The following SNX30 variants were observed in gnomAD, a reference collection of about 807,000 sequenced individuals.
SNX30 encodes sorting nexin-30.
A neutral mutation model predicts 46.4 loss-of-function variants in SNX30; 24 were observed. The observed-to-expected ratio is 0.52, with a 90% confidence interval of 0.37 to 0.73. The LOEUF is 0.73. Among genes scored for constraint, SNX30 ranks in the 30% least tolerant of loss-of-function variants. The pLI, the probability that SNX30 is intolerant of heterozygous loss-of-function variation, is 0.00. For synonymous variants in SNX30, 189 were observed against 211.5 expected (o/e 0.89, Z 0.92); for missense variants, 533 against 555.7 (o/e 0.96, Z 0.41).
chr9:112,772,615 T>C (rs1005089997), intron 1 of SNX30, among the ~76,000 whole-genome samples: 2 of 152,230 alleles, frequency 1.3e-5, no homozygotes, highest in African/African-American at 2.4e-5. Flanking sequence ...CACTGTATTT[T>C]GCTTTTCTCA....
At chr9:112,765,705 A>G (rs965228329) in intron 1 of SNX30, among the ~76,000 whole-genome samples, 8 of 152,238 alleles carry the variant, frequency 5.3e-5, no homozygotes, top group African/African-American at 1.9e-4. Flanking sequence ...ATGTTTTGAT[A>G]CACTTAAATA....
At chr9:112,781,775 G>T (rs947634578) in intron 1 of SNX30, among the ~76,000 whole-genome samples, 1 of 151,844 alleles carries the variant, frequency 6.6e-6, no homozygotes, top group African/African-American at 2.4e-5. Context: ...GGGATTACAG[G>T]TGCCCACCAC....
intron 6 of SNX30, among the ~76,000 whole-genome samples, chr9:112,849,833 T>C (rs897233046): frequency 5.9e-5 from 9 of 152,190 alleles, no homozygotes; most frequent in Non-Finnish European, 1.2e-4. Context: ...GGAAAGTGCA[T>C]GATTAGAAAC....
chr9:112,876,757 C>T (rs774701996), downstream of SNX30, among the ~76,000 whole-genome samples: 2 of 151,412 alleles, frequency 1.3e-5, no homozygotes, highest in African/African-American at 2.5e-5. Flanking sequence ...GCCAACATGG[C>T]GAAACCTGTC....
chr9:112,795,795 A>G (rs941845208), intron 1 of SNX30, among the ~76,000 whole-genome samples: 3 of 150,974 alleles, frequency 2.0e-5, no homozygotes, highest in East Asian at 3.9e-4. Context: ...ACACACACAC[A>G]CGCACACATG....
intron 7 of SNX30, among the ~76,000 whole-genome samples, chr9:112,861,365 C>T (rs576636321): frequency 9.3e-4 from 141 of 152,266 alleles, no homozygotes; most frequent in African/African-American, 3.0e-3. Context: ...CTAATTAGGA[C>T]GCTGTAAAGC....
At position 112,847,659 on chromosome 9, in the gene SNX30, ATC is replaced by A. The variant is rs571200364; in HGVS notation, c.1015-3198_1015-3197del. Among the ~76,000 whole-genome samples the A allele has an allele frequency of 7.2e-5, 11 of 152,306 alleles. 1 individual carries two copies. The South Asian group carries it at 1.9e-3, about 26-fold the overall frequency. Reference sequence around the variant, plus strand: ...CTTGTAATTTATTTGTTAAAGAATCATCTGTCTTCTCTTCATTGGAAAAGAGA... The same window carrying A: ...CTTGTAATTTATTTGTTAAAGAATCATGTCTTCTCTTCATTGGAAAAGAGA... On this transcript the variant is annotated intron_variant, in intron 6 of 8. Transcript: ENST00000374232.
intron 1 of SNX30, among the ~76,000 whole-genome samples, chr9:112,779,444 C>T (rs189635849): frequency 4.5e-4 from 68 of 152,292 alleles, no homozygotes; most frequent in Admixed American, 1.2e-3. Context: ...TGCCTGTAAT[C>T]CCAGCACTTT....
intron 1 of SNX30, among the ~76,000 whole-genome samples, chr9:112,771,167 G>T (rs1839642887): frequency 6.6e-6 from 1 of 152,180 alleles, no homozygotes; most frequent in Non-Finnish European, 1.5e-5. Context: ...AAGGCAAGGG[G>T]CCTGATCTGG....
chr9:112,814,570 TAAAAG>T (rs762172891), intron 2 of SNX30, among the ~76,000 whole-genome samples: 20 of 152,272 alleles, frequency 1.3e-4, no homozygotes, highest in Admixed American at 3.3e-4. Context: ...AGACCCCTGA[TAAAAG>T]AAGAAAAATA....
chr9:112,861,607 G>A (rs547524277), intron 7 of SNX30, among the ~76,000 whole-genome samples: 1 of 152,190 alleles, frequency 6.6e-6, no homozygotes, highest in African/African-American at 2.4e-5. Context: ...TGGGCCTCAG[G>A]AAAGCAGGAC....
Position 112,850,918 on chromosome 9 carries a change from G to A in SNX30, c.1074G>A (p.Val358=). 1 of 1,614,046 alleles carries A rather than the reference G, an allele frequency of 6.2e-7. No individual in the cohort carries two copies. The highest frequency in any genetic ancestry group is 2.2e-5 in the East Asian group (1 of 44,878). ...QAEYEAKLEA[V]ALRKEDRPKV... ...AGTATGAAGCCAAACTGGAAGCTGTGGCTCTGCGGAAGGAAGACCGCCCCA... is the reference window on the plus strand; with the variant it reads ...AGTATGAAGCCAAACTGGAAGCTGTAGCTCTGCGGAAGGAAGACCGCCCCA... Residue 358 remains valine, a synonymous_variant, in exon 7 of 9, where the codon GTG becomes GTA. Transcript: ENST00000374232.
chr9:112,856,418 G>C, intron 7 of SNX30, among the ~76,000 whole-genome samples: 1 of 150,722 alleles, frequency 6.6e-6, no homozygotes, highest in Non-Finnish European at 1.5e-5. Context: ...GGTGTGTGTG[G>C]GGTATGTAGT....
chr9:112,826,006 C>T (rs1187167661), intron 3 of SNX30, among the ~76,000 whole-genome samples: 3 of 152,112 alleles, frequency 2.0e-5, no homozygotes, highest in East Asian at 1.9e-4. Flanking sequence ...CAAGTTTCCC[C>T]GATTGATGAA....
chr9:112,828,802 A>G (rs1424868792), intron 3 of SNX30, among the ~76,000 whole-genome samples: 1 of 152,218 alleles, frequency 6.6e-6, no homozygotes, highest in Non-Finnish European at 1.5e-5. Context: ...ATAATCTACA[A>G]TTCAGTGGCA....
At chr9:112,876,739 C>T (rs1016386447), downstream of SNX30, among the ~76,000 whole-genome samples, 3 of 151,352 alleles carry the variant, frequency 2.0e-5, no homozygotes, top group Non-Finnish European at 2.9e-5. Flanking sequence ...GAGTTCGAGA[C>T]CGGCCTAGCC....
chr9:112,817,729 C>T lies in SNX30; in HGVS notation c.373C>T (p.Pro125Ser). The change falls in exon 3 of 9, where the codon CCA becomes TCA. Residue 125 changes from proline to serine, a missense_variant. Coordinates refer to ENST00000374232, the MANE Select transcript of SNX30 (RefSeq NM_001012994.2). ...GAGTACTCGGGTGGAGTTTGACCTG[C>T]CAGAATATTCTGTTCGTCGAAGATA... ...TKSTRVEFDL[P>S]EYSVRRRYQD... is the part of the protein sequence containing the mutation. The T allele has an allele frequency of 6.2e-7, 1 of 1,612,840 alleles. No individual in the cohort carries two copies. Among genetic ancestry groups the T allele is most frequent in the Non-Finnish European group, 8.5e-7 (1 of 1,178,998 alleles).
chr9:112,861,387 A>G (rs534959058), intron 7 of SNX30, among the ~76,000 whole-genome samples: 6 of 152,170 alleles, frequency 3.9e-5, no homozygotes, highest in African/African-American at 1.4e-4. Context: ...CTTAACACAT[A>G]TTAGCCTGTC....
chr9:112,813,131 A>G (rs866173936), intron 2 of SNX30, among the ~76,000 whole-genome samples: 4 of 152,224 alleles, frequency 2.6e-5, no homozygotes, highest in Middle Eastern at 6.8e-3. Context: ...CCTGGTCGAC[A>G]GAGTGAGACT....
Sources: allele counts gnomAD v4.1 joint callset (sites outside exome capture counted in the v4.1 genomes callset), GRCh38; gene constraint gnomAD v4.1.1; transcripts MANE v1.5; gene names NCBI Gene and HGNC (gene_info 2026-07-23, HGNC 2026-07-21).